Variants in PTPRN2 observed in about 807,000 individuals in gnomAD.
PTPRN2 encodes the protein receptor-type tyrosine-protein phosphatase N2.
In PTPRN2, 74 loss-of-function variants were observed where a neutral mutation model predicts 118.8. That is an observed-to-expected ratio of 0.62 (90% CI 0.52 to 0.76). The LOEUF (loss-of-function observed/expected upper bound fraction) is 0.76. Ranked by LOEUF, PTPRN2 falls within the 30% of genes least tolerant of loss-of-function variation. The probability of loss-of-function intolerance (pLI) is 0.00; values close to 1 mark genes in which losing one functional copy is unlikely to be tolerated. For missense variants in PTPRN2, 1,481 were observed against 1,394.4 expected, an observed-to-expected ratio of 1.06 and a Z score of -0.99; for synonymous variants, 641 against 608.0, an observed-to-expected ratio of 1.05 and a Z score of -0.80.
At chr7:158,542,324 T>A (rs1240593769) in intron 1 of PTPRN2, among the ~76,000 whole-genome samples, 2 of 152,226 alleles carry the variant, frequency 1.3e-5, no homozygotes, top group African/African-American at 4.8e-5. Context: ...CTAATTTTTT[T>A]GTATTTTTAG....
intron 2 of PTPRN2, among the ~76,000 whole-genome samples, chr7:158,484,950 A>G (rs1296417641): frequency 6.6e-6 from 1 of 152,088 alleles, no homozygotes; most frequent in East Asian, 1.9e-4. Flanking sequence ...GAGCCTCCCC[A>G]CCATCAGCGT....
chr7:158,000,195 A>AT (rs1386231276), intron 11 of PTPRN2, among the ~76,000 whole-genome samples: 1 of 152,016 alleles, frequency 6.6e-6, no homozygotes, highest in Admixed American at 6.5e-5. Flanking sequence ...CCTAGTTTTT[A>AT]TTTTTTTAAT....
At chr7:158,000,220 A>G (rs1399668722) in intron 11 of PTPRN2, among the ~76,000 whole-genome samples, 2 of 152,172 alleles carry the variant, frequency 1.3e-5, no homozygotes, top group Admixed American at 1.3e-4. Context: ...TGCTTGCCTC[A>G]CTAATAAAAC....
intron 12 of PTPRN2, among the ~76,000 whole-genome samples, chr7:157,797,083 A>C (rs1804916518): frequency 6.6e-6 from 1 of 152,142 alleles, no homozygotes; most frequent in South Asian, 2.1e-4. Context: ...ACAGCCGGGG[A>C]TTCAACTGCA....
intron 1 of PTPRN2, chr7:158,532,858 C>T (rs749190661): frequency 3.8e-6 from 2 of 528,886 alleles, no homozygotes; most frequent in South Asian, 2.8e-5. Context: ...GCCCGTGCTG[C>T]ACTCTGACGC....
At chr7:157,678,454 C>T (rs1016902914) in intron 13 of PTPRN2, among the ~76,000 whole-genome samples, 1 of 152,182 alleles carries the variant, frequency 6.6e-6, no homozygotes, top group African/African-American at 2.4e-5. Context: ...AGAGAATGAA[C>T]CAAGGCGTGA....
intron 9 of PTPRN2, among the ~76,000 whole-genome samples, chr7:158,127,516 G>A (rs958494990): frequency 6.6e-6 from 1 of 152,142 alleles, no homozygotes; most frequent in Non-Finnish European, 1.5e-5. Context: ...GGACTTCCGT[G>A]GGTCAAGGGC....
At position 158,081,344 on chromosome 7, in the gene PTPRN2, G is replaced by A. The variant is rs780505001; in HGVS notation, c.1677C>T (p.Ser559=). 11 of 1,614,132 alleles carry A rather than the reference G, an allele frequency of 6.8e-6. No homozygotes were observed. Among genetic ancestry groups the A allele is most frequent in the South Asian group, 3.3e-5 (3 of 91,082 alleles). Residue 559 remains serine (S), a synonymous_variant, in exon 11 of 23, where the codon AGC becomes AGT. Transcript: ENST00000389418. ...CAGTGGTCACGTTTTGGACATTGGC[G>A]CTCACTTTGAAGGTCACTGCTGGTC... ...VLGPAVTFKV[S]ANVQNVTTED...
intron 11 of PTPRN2, among the ~76,000 whole-genome samples, chr7:157,911,808 T>C (rs1226421328): frequency 6.6e-6 from 1 of 151,904 alleles, no homozygotes; most frequent in Non-Finnish European, 1.5e-5. Flanking sequence ...CTAAACAAAA[T>C]ACTGCATAAG....
intron 2 of PTPRN2, among the ~76,000 whole-genome samples, chr7:158,340,225 C>CAG (rs1806404429): frequency 3.4e-5 from 2 of 58,054 alleles, no homozygotes; most frequent in African/African-American, 6.0e-5. Context: ...GATGCCGGCA[C>CAG]ACGTCACTCA....
At position 158,131,193 on chromosome 7, in the gene PTPRN2, CATACACACTCAT is replaced by C. The variant is rs1818232558; in HGVS notation, c.1556+2472_1556+2483del. Among the ~76,000 whole-genome samples the C allele has an allele frequency of 4.6e-5, 7 of 151,240 alleles. No homozygotes were observed. In the South Asian group the frequency reaches 1.5e-3, roughly 32 times the overall value. Reference sequence around the variant, plus strand: ...ATCATACCAATACACATCTACCTGACATACACACTCATATACACACACGTACATACACACACA... The same window carrying C: ...ATCATACCAATACACATCTACCTGACATACACACACGTACATACACACACA... On this transcript the variant is annotated intron_variant, in intron 9 of 22. Transcript: ENST00000389418.
rs113258075 is a variant in PTPRN2, at chr7:157,544,375, G to A, written c.2977-3590C>T. 2.9e-3 allele frequency among the ~76,000 whole-genome samples: 445 copies of A among 152,338 alleles called. 1 individual carries two copies. Among genetic ancestry groups the A allele is most frequent in the African/African-American group, 0.01 (422 of 41,568 alleles). On this transcript the variant is annotated intron_variant, in intron 22 of 22. Transcript: ENST00000389418. The stretch of plus-strand genomic sequence containing the variant: ...CTGGGCAACGCCCTGCTTCTGGGAC[G>A]GAGGACAACACCGGGTACGTCTGAG...
At chr7:158,141,993 C>T (rs56167747) in intron 6 of PTPRN2, among the ~76,000 whole-genome samples, 36,811 of 152,098 alleles carry the variant, frequency 0.24, 6,595 homozygotes, top group African/African-American at 0.51. Context: ...CCGCTCTGGC[C>T]GACGTTGAGG....
rs112737269 is a variant in PTPRN2, at chr7:158,344,258, A to C, written c.164-27326T>G. On this transcript the variant is annotated intron_variant, in intron 2 of 22. Transcript: ENST00000389418. ...GCCCCAAGAAGCCACCAGCCAGACC[A>C]GGCTCGGGAAGAGCTGTCTTCAGCA... is the stretch of plus-strand genomic sequence containing the variant. Among the ~76,000 whole-genome samples the C allele has an allele frequency of 8.5e-3, 1,298 of 152,278 alleles. 20 individuals are homozygous for C. Among genetic ancestry groups the C allele is most frequent in the African/African-American group, 0.03 (1,229 of 41,546 alleles).
At chr7:158,365,849 C>CA (rs58919771) in intron 2 of PTPRN2, among the ~76,000 whole-genome samples, 90,722 of 123,378 alleles carry the variant, frequency 0.74, 39,507 homozygotes, top group Non-Finnish European at 0.83. Context: ...CACACACACA[C>CA]CCACACACAC....
In PTPRN2 at chr7:158,105,460, T is replaced by C. The variant is rs529287787; in HGVS notation, c.1643+5369A>G. ...CACTGAGCTCCATCAAACTCCACCC[T>C]AGCTTCACCCTCATCCCAGCTCCAT... On this transcript the variant is annotated intron_variant, in intron 10 of 22. Coordinates refer to ENST00000389418, the MANE Select transcript of PTPRN2 (RefSeq NM_002847.5). 4.2e-4 allele frequency among the ~76,000 whole-genome samples: 64 copies of C among 150,654 alleles called. 1 individual carries two copies. In the South Asian group the frequency reaches 0.013, roughly 30 times the overall value.
chr7:158,109,198 C>T (rs1465454382), intron 10 of PTPRN2, among the ~76,000 whole-genome samples: 2 of 149,324 alleles, frequency 1.3e-5, no homozygotes, highest in Non-Finnish European at 3.0e-5. Context: ...GACATCACCC[C>T]TGTGTGAAGA....
chr7:158,421,575 G>C lies in PTPRN2; in HGVS notation c.163+68160C>G, dbSNP rs573935637. On this transcript the variant is annotated intron_variant, in intron 2 of 22. Coordinates refer to ENST00000389418, the MANE Select transcript of PTPRN2 (RefSeq NM_002847.5). ...GCAGCAGATGGCTTGGATTAAATCTGAACAGTGATAAGTTCTGCTTTTAGG... is the reference window on the plus strand; with the variant it reads ...GCAGCAGATGGCTTGGATTAAATCTCAACAGTGATAAGTTCTGCTTTTAGG... Among the ~76,000 whole-genome samples the C allele has an allele frequency of 4.7e-4, 71 of 152,332 alleles. 3 individuals are homozygous for C. The South Asian group carries it at 0.014, about 31-fold the overall frequency.
chr7:157,552,741 C>T (rs956582812), intron 21 of PTPRN2, among the ~76,000 whole-genome samples: 2 of 152,176 alleles, frequency 1.3e-5, no homozygotes, highest in Non-Finnish European at 2.9e-5. Context: ...CGACAGACGT[C>T]GAGTTGTGTC....
Sources: allele counts gnomAD v4.1 joint callset (sites outside exome capture counted in the v4.1 genomes callset), GRCh38; gene constraint gnomAD v4.1.1; transcripts MANE v1.5; gene names NCBI Gene and HGNC (gene_info 2026-07-23, HGNC 2026-07-21).